Variants in RNF213 observed in about 807,000 individuals in gnomAD.
The protein encoded by RNF213 is E3 ubiquitin-protein ligase RNF213.
A neutral mutation model predicts 514.4 loss-of-function variants in RNF213; 341 were observed. That is an observed-to-expected ratio of 0.66 (90% CI 0.61 to 0.73). RNF213 has a LOEUF of 0.73. RNF213 is among the 30% of genes least tolerant of loss of function. RNF213 has a pLI of 0.00. For synonymous variants in RNF213, 2,655 were observed against 2,658.2 expected, an observed-to-expected ratio of 1.00 and a Z score of 0.04; for missense variants, 5,767 against 6,615.6, an observed-to-expected ratio of 0.87 and a Z score of 4.45.
chr17:80,281,200 C>T (rs1391368950), intron 3 of RNF213, among the ~76,000 whole-genome samples: 8 of 127,778 alleles, frequency 6.3e-5, no homozygotes, highest in African/African-American at 2.4e-4. Flanking sequence ...ACCCCACTCA[C>T]ACCACTCACA....
intron 15 of RNF213, among the ~76,000 whole-genome samples, chr17:80,313,470 TGGTG>T (rs2045642121): frequency 6.3e-5 from 1 of 15,796 alleles, no homozygotes; most frequent in Non-Finnish European, 1.3e-4. Context: ...GAGGTGATGG[TGGTG>T]GAGGTGATGG....
Position 80,337,837 on chromosome 17 carries a change from C to T in RNF213, c.4673C>T (p.Ser1558Phe). Residue 1558 changes from serine (S) to phenylalanine (F), a missense_variant, in exon 25 of 68, where the codon TCC (serine) becomes TTC (phenylalanine). Ser to Phe is a radical substitution (Grantham distance 155, BLOSUM62 -2). Around this residue, in one of 13 missense-constraint regions of RNF213, gnomAD observed 1,377 missense variants for 1,635.2 expected, o/e 0.84. Coordinates refer to ENST00000582970, the MANE Select transcript of RNF213 (RefSeq NM_001256071.3). ...IQAPKGGQKISPDTVLHLILP... is the reference protein window; with the variant it reads ...IQAPKGGQKIFPDTVLHLILP... ...TCTAACCTATGCTCTTCACAGATTT[C>T]CCCAGACACGGTTCTGCACTTGATC... The T allele has an allele frequency of 2.6e-6, 4 of 1,537,048 alleles. No individual in the cohort carries two copies.
chr17:80,277,650 A>G (rs1263362549), intron 3 of RNF213, among the ~76,000 whole-genome samples: 1 of 151,198 alleles, frequency 6.6e-6, no homozygotes, highest in Non-Finnish European at 1.5e-5. Context: ...ACATGAGAGA[A>G]GTTCAGAGTG....
intron 23 of RNF213, among the ~76,000 whole-genome samples, chr17:80,337,064 A>G (rs1045648875): frequency 1.3e-5 from 2 of 152,134 alleles, no homozygotes; most frequent in Admixed American, 6.6e-5. Context: ...AAGGGCAGGT[A>G]AAGCTATCTT....
chr17:80,313,662 A>ATGG lies in RNF213; in HGVS notation c.2811+499_2811+501dup, dbSNP rs1240304435. Among the ~76,000 whole-genome samples, 3 of 29,746 alleles carry ATGG rather than the reference A, an allele frequency of 1.0e-4. No homozygotes were observed. The East Asian group carries it at 4.2e-3, about 42-fold the overall frequency. 19.5% of individuals were successfully genotyped at this position (29,746 alleles called of 152,430 possible). On this transcript the variant is annotated intron_variant, in intron 15 of 67. Transcript: ENST00000582970. ...GGTGATGGTGATGGTTGTGGAGGTG[A>ATGG]TGGTGGAGGTAATGGAGGTGATGGT...
chr17:80,278,681 G>A (rs952873476), intron 3 of RNF213: 4 of 1,498,760 alleles, frequency 2.7e-6, no homozygotes, highest in African/African-American at 1.4e-5. Context: ...GGTGGCCCCT[G>A]AGGTGGGGTC....
intron 3 of RNF213, among the ~76,000 whole-genome samples, chr17:80,280,689 A>G (rs1055145523): frequency 2.0e-5 from 3 of 152,108 alleles, no homozygotes; most frequent in Non-Finnish European, 2.9e-5. Flanking sequence ...TCCTGGGCTC[A>G]AGCAATTCTC....
chr17:80,324,837 G>A (rs774254067), intron 17 of RNF213, among the ~76,000 whole-genome samples, 193 bp from the exon 18 acceptor site: 1 of 152,154 alleles, frequency 6.6e-6, no homozygotes, highest in Non-Finnish European at 1.5e-5. Flanking sequence ...GACACTTAAG[G>A]AGGCAGTATA....
chr17:80,339,306 C>T lies in RNF213; in HGVS notation c.4939C>T (p.Gln1647Ter). 1 of 1,536,948 alleles carries T rather than the reference C, an allele frequency of 6.5e-7. No individual in the cohort carries two copies. Among genetic ancestry groups the T allele is most frequent in the Non-Finnish European group, 8.7e-7 (1 of 1,146,638 alleles). The change falls in exon 26 of 68, where the codon CAG (glutamine) becomes TAG (stop). Residue 1647 changes from glutamine to a stop codon, truncating the protein, a stop_gained. Coordinates refer to ENST00000582970, the MANE Select transcript of RNF213 (RefSeq NM_001256071.3). LOFTEE classifies it high-confidence loss of function. ...CGCCATGGCCTACTGCTCCCCCAAG[C>T]AGGGTGTGTCCCTCCAAATGGACTT... Reference protein sequence around the residue: ...WIAMAYCSPKQGVSLQMDFGL... With the variant: ...WIAMAYCSPK
chr17:80,350,427 T>C lies in RNF213; in HGVS notation c.10184+31T>C, dbSNP rs747933591. 8 of 1,449,494 alleles carry C rather than the reference T, an allele frequency of 5.5e-6. No homozygotes were observed. In the Middle Eastern group the frequency reaches 6.9e-4, roughly 126 times the overall value. 89.8% of individuals were successfully genotyped at this position (1,449,494 alleles called of 1,614,324 possible). ...TTTTTAGTATTTTTCTCAGAAACTA[T>C]GTAAAAAACCCAAAACGTAGGAAGT... On this transcript the variant is annotated intron_variant, in intron 31 of 67. Coordinates refer to ENST00000582970, the MANE Select transcript of RNF213 (RefSeq NM_001256071.3).
At chr17:80,318,306 A>C (rs1313697552) in intron 16 of RNF213, among the ~76,000 whole-genome samples, 1 of 152,180 alleles carries the variant, frequency 6.6e-6, no homozygotes, top group Non-Finnish European at 1.5e-5. Flanking sequence ...ACTTTGGGCC[A>C]TGGGTTTCAG....
At chr17:80,324,925 C>T in intron 17 of RNF213, 105 bp from the exon 18 acceptor site, 4 of 1,112,304 alleles carry the variant, frequency 3.6e-6, no homozygotes, top group Non-Finnish European at 5.2e-6. Context: ...AAACAAGTTA[C>T]AGTAGATTTC....
chr17:80,384,906 C>G, intron 59 of RNF213, 133 bp from the exon 60 acceptor site: 1 of 939,026 alleles, frequency 1.1e-6, no homozygotes, highest in Non-Finnish European at 1.7e-6. Context: ...AAGCTCCACG[C>G]TGCATCACAG....
intron 2 of RNF213, among the ~76,000 whole-genome samples, chr17:80,269,144 C>T (rs78158446): frequency 0.019 from 2,891 of 152,266 alleles, 56 homozygotes; most frequent in East Asian, 0.11. Context: ...CTGCTTTGTT[C>T]TAGCCACGCT....
Position 80,298,458 on chromosome 17 carries a change from A to T in RNF213, c.2150A>T (p.Asp717Val). 1 of 1,614,142 alleles carries T rather than the reference A, an allele frequency of 6.2e-7. No individual in the cohort carries two copies. Among genetic ancestry groups the T allele is most frequent in the Non-Finnish European group, 8.5e-7 (1 of 1,180,014 alleles). ...RHKDAWRQPEDTWAALEGLSF... is the reference protein window; with the variant it reads ...RHKDAWRQPEVTWAALEGLSF... ...AAGGATGCCTGGAGACAGCCTGAGG[A>T]CACCTGGGCCGCTCTGGAGGGACTC... is the stretch of plus-strand genomic sequence containing the variant. The change falls in exon 11 of 68, where the codon GAC (aspartate) becomes GTC (valine). Residue 717 changes from aspartate (D) to valine (V), a missense_variant. By Grantham distance (152) the Asp-to-Val change is radical. Around this residue, in one of 13 missense-constraint regions of RNF213, gnomAD observed 592 missense variants for 673.9 expected, o/e 0.88. Transcript: ENST00000582970.
In RNF213 at chr17:80,393,726, G is replaced by A; in HGVS notation, c.*228G>A. Reference sequence around the variant, plus strand: ...TTCTGAAACTTTCTCATCATTTTATGAGTACTGTTCATTGAGAGATGACAA... The same window carrying A: ...TTCTGAAACTTTCTCATCATTTTATAAGTACTGTTCATTGAGAGATGACAA... On this transcript the variant is annotated 3_prime_UTR_variant, in exon 68 of 68. Coordinates refer to ENST00000582970, the MANE Select transcript of RNF213 (RefSeq NM_001256071.3). 3.8e-6 allele frequency: 2 copies of A among 526,856 alleles called. No homozygotes were observed. The highest frequency in any genetic ancestry group is 6.9e-6 in the Non-Finnish European group (2 of 290,184). The allele number at this position is 526,856 out of a possible 1,614,324, so 32.6% of individuals were successfully genotyped here.
Position 80,397,839 on chromosome 17 carries a change from C to A in RNF213, c.*4341C>A, listed in dbSNP as rs1197733684. On this transcript the variant is annotated 3_prime_UTR_variant, in exon 68 of 68. Transcript: ENST00000582970. ...TTAATGGATGGTTGAGGCAGCCCCT[C>A]AGACGGCTTAGGCCTGCCCTGTGGA... The A allele has an allele frequency of 6.7e-6, 1 of 149,812 alleles. No homozygotes were observed. The highest frequency in any genetic ancestry group is 1.5e-5 in the Non-Finnish European group (1 of 67,742). The allele number at this position is 149,812 out of a possible 1,614,324, so 9.3% of individuals were successfully genotyped here.
At chr17:80,373,372 C>T (rs1020563097) in intron 49 of RNF213, among the ~76,000 whole-genome samples, 6 of 151,052 alleles carry the variant, frequency 4.0e-5, no homozygotes, top group Admixed American at 1.3e-4. Context: ...ACTGCTTCCG[C>T]GTTCCGCCTG....
chr17:80,280,082 A>C (rs577192942), intron 3 of RNF213, among the ~76,000 whole-genome samples: 1 of 152,008 alleles, frequency 6.6e-6, no homozygotes, highest in South Asian at 2.1e-4. Context: ...CAAGGCAGGC[A>C]TGCTCTTTCC....
Sources: gnomAD v4.1 joint callset for allele counts (sites outside exome capture counted in the v4.1 genomes callset) on GRCh38, gnomAD v4.1.1 for gene constraint, gnomAD v4.1.1 regional missense constraint, MANE v1.5 for transcripts, NCBI Gene and HGNC (gene_info 2026-07-23, HGNC 2026-07-21) for gene names.